Variants in ERBB4 observed in about 807,000 individuals in gnomAD.
ERBB4 encodes receptor tyrosine-protein kinase erbB-4.
In ERBB4, 42 loss-of-function variants were observed where a neutral mutation model predicts 158.0. That is an observed-to-expected ratio of 0.27 (90% CI 0.21 to 0.34). The LOEUF is 0.34. Ranked by LOEUF, ERBB4 falls within the 10% of genes least tolerant of loss-of-function variation. The probability of loss-of-function intolerance (pLI) is 1.00; values close to 1 mark genes in which losing one functional copy is unlikely to be tolerated. For missense variants in ERBB4, 1,333 were observed against 1,624.1 expected (o/e 0.82, Z 3.08); for synonymous variants, 583 against 558.7 (o/e 1.04, Z -0.61).
At chr2:211,871,172 A>G (rs1276873702) in intron 3 of ERBB4, among the ~76,000 whole-genome samples, 2 of 152,274 alleles carry the variant, frequency 1.3e-5, no homozygotes, top group Middle Eastern at 6.8e-3. Flanking sequence ...AGGATAATAC[A>G]CTGCATACAG....
intron 3 of ERBB4, among the ~76,000 whole-genome samples, chr2:211,817,464 T>C (rs1287158884): frequency 6.6e-6 from 1 of 152,202 alleles, no homozygotes; most frequent in African/African-American, 2.4e-5. Context: ...AACATATACA[T>C]GTATATCAAC....
intron 3 of ERBB4, among the ~76,000 whole-genome samples, chr2:211,818,193 C>G (rs1234261181): frequency 6.6e-6 from 1 of 152,006 alleles, no homozygotes; most frequent in East Asian, 1.9e-4. Flanking sequence ...ATTTTTATTT[C>G]AAGAGATACT....
At chr2:211,538,940 T>A (rs1223650176) in intron 20 of ERBB4, among the ~76,000 whole-genome samples, 1 of 151,820 alleles carries the variant, frequency 6.6e-6, no homozygotes, top group African/African-American at 2.4e-5. Flanking sequence ...TGTAACCAGT[T>A]CTCCCCATCT....
chr2:212,062,310 A>G (rs957057833), intron 2 of ERBB4, among the ~76,000 whole-genome samples: 1 of 151,576 alleles, frequency 6.6e-6, no homozygotes, highest in African/African-American at 2.4e-5. Flanking sequence ...GAGACTAAAT[A>G]TACTAACTTA....
chr2:212,383,404 C>G (rs2106417110), intron 1 of ERBB4, among the ~76,000 whole-genome samples: 1 of 151,460 alleles, frequency 6.6e-6, no homozygotes, highest in African/African-American at 2.4e-5. Context: ...TTCCACTTAT[C>G]CGAAAGAAAG....
chr2:211,572,356 T>C lies in ERBB4; in HGVS notation c.2302-10268A>G, dbSNP rs547871220. On this transcript the variant is annotated intron_variant, in intron 19 of 27. Transcript: ENST00000342788. Reference sequence around the variant, plus strand: ...ATATTTCCAGGTATGACGCTAACAATCTGTGACATTGGCCTGTATATTTTT... The same window carrying C: ...ATATTTCCAGGTATGACGCTAACAACCTGTGACATTGGCCTGTATATTTTT... Among the ~76,000 whole-genome samples, 16 of 152,284 alleles carry C rather than the reference T, an allele frequency of 1.1e-4. No homozygotes were observed. In the South Asian group the frequency reaches 3.1e-3, roughly 30 times the overall value.
At chr2:212,471,839 A>G (rs1322313979) in intron 1 of ERBB4, among the ~76,000 whole-genome samples, 1 of 151,892 alleles carries the variant, frequency 6.6e-6, no homozygotes, top group East Asian at 1.9e-4. Context: ...GATGACAGCC[A>G]AAAGCAAATC....
chr2:211,703,116 A>T, intron 11 of ERBB4, among the ~76,000 whole-genome samples: 1 of 151,368 alleles, frequency 6.6e-6, no homozygotes, highest in East Asian at 1.9e-4. Flanking sequence ...CATGGTTGTC[A>T]GGGTGTGTGT....
chr2:212,103,059 C>T (rs2079128756), intron 2 of ERBB4, among the ~76,000 whole-genome samples: 1 of 152,078 alleles, frequency 6.6e-6, no homozygotes, highest in African/African-American at 2.4e-5. Flanking sequence ...TCCATCTCTC[C>T]ATCTATTTAT....
intron 16 of ERBB4, among the ~76,000 whole-genome samples, chr2:211,647,156 T>C (rs1317284536): frequency 1.3e-5 from 2 of 151,614 alleles, no homozygotes; most frequent in Non-Finnish European, 3.0e-5. Context: ...TCTCTAAGAC[T>C]AATCCTTTCA....
At chr2:211,861,006 ATTTATATATT>A (rs2078002763) in intron 3 of ERBB4, among the ~76,000 whole-genome samples, 8 of 26,304 alleles carry the variant, frequency 3.0e-4, no homozygotes, top group Non-Finnish European at 3.9e-4. Context: ...TATATTATAT[ATTTATATATT>A]TATATATATA....
chr2:211,561,357 C>T (rs1156809418), intron 20 of ERBB4, among the ~76,000 whole-genome samples: 1 of 152,180 alleles, frequency 6.6e-6, no homozygotes, highest in African/African-American at 2.4e-5. Context: ...AGACCCACCT[C>T]CCCTATCACC....
chr2:212,401,811 T>C (rs1260676466), intron 1 of ERBB4, among the ~76,000 whole-genome samples: 2 of 152,062 alleles, frequency 1.3e-5, no homozygotes, highest in Non-Finnish European at 2.9e-5. Flanking sequence ...ACAAACATAA[T>C]TATTGAAAAC....
At position 211,387,084 on chromosome 2, in the gene ERBB4, G is replaced by A; in HGVS notation, c.3250C>T (p.Pro1084Ser). 2 of 1,613,958 alleles carry A rather than the reference G, an allele frequency of 1.2e-6. No homozygotes were observed. The highest frequency in any genetic ancestry group is 1.7e-6 in the Non-Finnish European group (2 of 1,179,880). ...EQGVSVPYRA[P>S]TSTIPEAPVA... ...GGAGCTTCTGGAATTGTGCTAGTTG[G>A]GGCTCTGTAGGGCACAGACACTCCT... Residue 1084 changes from proline (P) to serine (S), a missense_variant, in exon 27 of 28, where the codon CCA becomes TCA. Around this residue, in one of 5 missense-constraint regions of ERBB4, gnomAD observed 252 missense variants for 241.3 expected, o/e 1.04. Coordinates refer to ENST00000342788, the MANE Select transcript of ERBB4 (RefSeq NM_005235.3).
chr2:211,999,716 T>G lies in ERBB4; in HGVS notation c.235-52100A>C, dbSNP rs575527346. ...ACAAATGGGACATCTTGCTTGAATT[T>G]CTTTTACCTCTGTCTATAATTTTTG... On this transcript the variant is annotated intron_variant, in intron 2 of 27. Coordinates refer to ENST00000342788, the MANE Select transcript of ERBB4 (RefSeq NM_005235.3). 2.6e-4 allele frequency among the ~76,000 whole-genome samples: 39 copies of G among 151,920 alleles called. No homozygotes were observed. The South Asian group carries it at 7.1e-3, about 27-fold the overall frequency.
At position 212,300,287 on chromosome 2, in the gene ERBB4, TTG is replaced by T. The variant is rs374522513; in HGVS notation, c.83-175386_83-175385del. Among the ~76,000 whole-genome samples the T allele has an allele frequency of 2.8e-3, 428 of 151,742 alleles. 2 individuals carry two copies. Among genetic ancestry groups the T allele is most frequent in the African/African-American group, 1.0e-2 (413 of 41,500 alleles). On this transcript the variant is annotated intron_variant, in intron 1 of 27. Coordinates refer to ENST00000342788, the MANE Select transcript of ERBB4 (RefSeq NM_005235.3). ...CTTGCACACTATGCTTTCTTTCATT[TTG>T]TGTGTGTGACCCATATTCACATGCT...
chr2:211,413,725 AT>A (rs201627948), intron 25 of ERBB4, among the ~76,000 whole-genome samples: 2,263 of 151,786 alleles, frequency 0.015, 48 homozygotes, highest in African/African-American at 0.052. Context: ...GCGATGCAGG[AT>A]TTTTTTTGCT....
chr2:212,479,859 T>C (rs1274505901), intron 1 of ERBB4, among the ~76,000 whole-genome samples: 2 of 152,158 alleles, frequency 1.3e-5, no homozygotes, highest in African/African-American at 4.8e-5. Context: ...TGAATGTCAT[T>C]TTAACAGAGG....
intron 1 of ERBB4, among the ~76,000 whole-genome samples, chr2:212,225,507 T>C (rs2083442302): frequency 1.8e-5 from 2 of 113,676 alleles, no homozygotes. Flanking sequence ...AATCATTTTA[T>C]TGTCACAAAA....
Sources: allele counts gnomAD v4.1 joint callset (sites outside exome capture counted in the v4.1 genomes callset), GRCh38; gene constraint gnomAD v4.1.1; regional missense constraint gnomAD v4.1.1; transcripts MANE v1.5; gene names NCBI Gene and HGNC (gene_info 2026-07-23, HGNC 2026-07-21).